The following FOXR1 variants were observed in gnomAD, a reference collection of about 807,000 sequenced individuals.
FOXR1 encodes the protein forkhead box R1, also known as forkhead box protein R1.
A neutral mutation model predicts 34.5 loss-of-function variants in FOXR1; 25 were observed. The ratio of observed to expected loss-of-function variants is 0.72; its 90% confidence interval spans 0.53 to 1.01. FOXR1 has a LOEUF of 1.01. FOXR1 is among the 50% of genes least tolerant of loss of function. The pLI is 0.00. For missense variants in FOXR1, 373 were observed against 376.2 expected, an observed-to-expected ratio of 0.99 and a Z score of 0.07; for synonymous variants, 153 against 141.6, an observed-to-expected ratio of 1.08 and a Z score of -0.57.
chr11:118,980,026 C>T (rs1941834411), intron 4 of FOXR1, among the ~76,000 whole-genome samples: 1 of 152,156 alleles, frequency 6.6e-6, no homozygotes, highest in Non-Finnish European at 1.5e-5. Context: ...TAGGACTGGA[C>T]TGCCTGGCAC....
intron 1 of FOXR1, among the ~76,000 whole-genome samples, chr11:118,973,492 C>CCG (rs1555180805): frequency 1.3e-5 from 2 of 151,916 alleles, no homozygotes; most frequent in Non-Finnish European, 2.9e-5. Context: ...CTCTGCCCCC[C>CCG]GGGTTCAAGT....
At position 118,978,800 on chromosome 11, in the gene FOXR1, G is replaced by T; in HGVS notation, c.80G>T (p.Arg27Leu). The T allele has an allele frequency of 6.2e-7, 1 of 1,614,068 alleles. No homozygotes were observed. The highest frequency in any genetic ancestry group is 1.1e-5 in the South Asian group (1 of 91,068). The change falls in exon 2 of 6, where the codon CGA becomes CTA. Residue 27 changes from arginine to leucine, a missense_variant. Arg to Leu is a moderately radical substitution (Grantham distance 102, BLOSUM62 -2). Transcript: ENST00000317011. Reference protein sequence around the residue: ...AEQKLARYKLRIVKPPKLPLE... With the variant: ...AEQKLARYKLLIVKPPKLPLE... ...TTGCCAGTTGCCAGGTATAAACTCC[G>T]AATTGTTAAGCCACCAAAATTACCC...
chr11:118,977,636 A>G (rs1038119588), intron 1 of FOXR1, among the ~76,000 whole-genome samples: 2 of 152,146 alleles, frequency 1.3e-5, no homozygotes, highest in Non-Finnish European at 2.9e-5. Flanking sequence ...CATAATAGGC[A>G]TCCTCTCTAA....
chr11:118,979,333 G>A, intron 3 of FOXR1, 109 bp from the exon 4 acceptor site: 1 of 1,492,558 alleles, frequency 6.7e-7, no homozygotes, highest in Admixed American at 2.4e-5. Flanking sequence ...ACATGCTTGG[G>A]TTGGGGAGAA....
Position 118,978,802 on chromosome 11 carries a change from A to G in FOXR1, c.82A>G (p.Ile28Val), listed in dbSNP as rs1371728027. The change falls in exon 2 of 6, where the codon ATT becomes GTT. Residue 28 changes from isoleucine to valine, a missense_variant. Ile to Val is a conservative substitution (Grantham distance 29, BLOSUM62 3). Transcript: ENST00000317011. ...EQKLARYKLR[I>V]VKPPKLPLEK... ...GCCAGTTGCCAGGTATAAACTCCGA[A>G]TTGTTAAGCCACCAAAATTACCCCT... 1 of 1,613,964 alleles carries G rather than the reference A, an allele frequency of 6.2e-7. No individual in the cohort carries two copies. The highest frequency in any genetic ancestry group is 1.3e-5 in the African/African-American group (1 of 74,872).
chr11:118,979,225 G>A, intron 3 of FOXR1, 21 bp downstream of exon 3: 3 of 1,515,026 alleles, frequency 2.0e-6, no homozygotes, highest in Non-Finnish European at 2.6e-6. Context: ...TTGGGGATGG[G>A]AGTGGGACTT....
At chr11:118,981,160 A>T (rs782298910) in intron 5 of FOXR1, 48 bp from the exon 6 acceptor site, 1 of 1,598,226 alleles carries the variant, frequency 6.3e-7, no homozygotes, top group Non-Finnish European at 8.6e-7. Context: ...GGCCTAGGAA[A>T]CAGCAATTGT....
At chr11:118,972,888 T>TA (rs149775303) in intron 1 of FOXR1, among the ~76,000 whole-genome samples, 4,161 of 152,146 alleles carry the variant, frequency 0.027, 195 homozygotes, top group African/African-American at 0.093. Flanking sequence ...CCCCCGGCCT[T>TA]AACTCTTCCT....
chr11:118,975,212 G>C (rs1319129564), intron 1 of FOXR1, among the ~76,000 whole-genome samples: 1 of 152,104 alleles, frequency 6.6e-6, no homozygotes, highest in Non-Finnish European at 1.5e-5. Flanking sequence ...AGTGGAAAAA[G>C]CCTTTCAAGG....
chr11:118,973,223 A>G (rs1423951909), intron 1 of FOXR1, among the ~76,000 whole-genome samples: 1 of 152,134 alleles, frequency 6.6e-6, no homozygotes, highest in Non-Finnish European at 1.5e-5. Flanking sequence ...TGTTTTAGAC[A>G]CTCATGATAC....
Position 118,979,622 on chromosome 11 carries a change from A to T in FOXR1, c.565A>T (p.Ser189Cys), listed in dbSNP as rs1220402200. The change falls in exon 4 of 6, where the codon AGT (serine) becomes TGT (cysteine). Residue 189 changes from serine (S) to cysteine (C), a missense_variant. Transcript: ENST00000317011. ...CCTAATTGCCCTGGCATTAAGAAAC[A>T]GTTCCCCCTGTGGCCTCAACGTGCA... ...FHLIALALRN[S>C]SPCGLNVQQI... The T allele has an allele frequency of 6.2e-7, 1 of 1,611,912 alleles. No individual in the cohort carries two copies. Among genetic ancestry groups the T allele is most frequent in the Non-Finnish European group, 8.5e-7 (1 of 1,179,068 alleles).
rs1244764421 is a variant in FOXR1, at chr11:118,971,920, C to A, written c.-12C>A. The A allele has an allele frequency of 6.4e-7, 1 of 1,555,724 alleles. No individual in the cohort carries two copies. The highest frequency in any genetic ancestry group is 2.4e-5 in the East Asian group (1 of 41,572). On this transcript the variant is annotated 5_prime_UTR_variant, in exon 1 of 6. The change creates a new upstream start codon in the 5' untranslated region. Transcript: ENST00000317011. ...CCTCCATGGCCAGGTCCCGGGACTG[C>A]TGGACTGGGACATGGGGAACGAGCT...
intron 1 of FOXR1, among the ~76,000 whole-genome samples, chr11:118,976,648 G>A (rs74507548): frequency 0.023 from 3,550 of 152,270 alleles, 132 homozygotes; most frequent in African/African-American, 0.079. Context: ...CAGTAAGGTC[G>A]AGTAAATTGT....
At position 118,978,987 on chromosome 11, in the gene FOXR1, G is replaced by T; in HGVS notation, c.167G>T (p.Trp56Leu). The T allele has an allele frequency of 1.9e-6, 3 of 1,603,434 alleles. No homozygotes were observed. The highest frequency in any genetic ancestry group is 2.6e-6 in the Non-Finnish European group (3 of 1,173,856). ...GPDYEPNLWMWVNPNIVYPPG... is the reference protein window; with the variant it reads ...GPDYEPNLWMLVNPNIVYPPG... ...GATTATGAGCCCAACCTCTGGATGT[G>T]GGTAAATCCCAACATTGTGTATCCC... Residue 56 changes from tryptophan to leucine, a missense_variant, in exon 3 of 6, where the codon TGG (tryptophan) becomes TTG (leucine). Transcript: ENST00000317011.
At chr11:118,979,296 A>G in intron 3 of FOXR1, 92 bp downstream of exon 3, 1 of 1,497,128 alleles carries the variant, frequency 6.7e-7, no homozygotes, top group Non-Finnish European at 8.9e-7. Context: ...AGCCATAGCA[A>G]AAGGTGAATG....
At chr11:118,975,607 A>C (rs1187433030) in intron 1 of FOXR1, among the ~76,000 whole-genome samples, 1 of 151,896 alleles carries the variant, frequency 6.6e-6, no homozygotes. Flanking sequence ...GAGCCACTGC[A>C]CCTGGTCCCT....
intron 1 of FOXR1, 148 bp downstream of exon 1, chr11:118,972,140 C>T (rs1421553224): frequency 4.3e-6 from 3 of 696,548 alleles, no homozygotes; most frequent in East Asian, 6.2e-5. Flanking sequence ...CCCCCCCCCC[C>T]CGACGGCTTA....
chr11:118,980,507 T>G lies in FOXR1; in HGVS notation c.629T>G (p.Phe210Cys). ...YSFTRKHFPF[F>C]RTAPEGWKNT... ...GTCCATAGAAAGCACTTCCCCTTTT[T>G]CCGGACGGCCCCGGAAGGCTGGAAG... is the stretch of plus-strand genomic sequence containing the variant. Residue 210 changes from phenylalanine to cysteine, a missense_variant, in exon 5 of 6, where the codon TTC becomes TGC. Transcript: ENST00000317011. The G allele has an allele frequency of 6.2e-7, 1 of 1,614,250 alleles. No homozygotes were observed. The highest frequency in any genetic ancestry group is 8.5e-7 in the Non-Finnish European group (1 of 1,180,048).
intron 1 of FOXR1, among the ~76,000 whole-genome samples, chr11:118,976,344 G>A (rs1941780181): frequency 6.6e-6 from 1 of 152,146 alleles, no homozygotes; most frequent in African/African-American, 2.4e-5. Flanking sequence ...ACAGGCTCAC[G>A]CCACCACACT....
Sources: allele counts gnomAD v4.1 joint callset (sites outside exome capture counted in the v4.1 genomes callset), GRCh38; gene constraint gnomAD v4.1.1; transcripts MANE v1.5; gene names NCBI Gene and HGNC (gene_info 2026-07-23, HGNC 2026-07-21).